MYO9A: variants seen among roughly 807,000 people sequenced by gnomAD.
The protein encoded by MYO9A is myosin IXA.
In MYO9A, 103 loss-of-function variants were observed where a neutral mutation model predicts 293.3. That is an observed-to-expected ratio of 0.35 (90% confidence interval 0.30 to 0.41). MYO9A has a LOEUF of 0.41. Among genes scored for constraint, MYO9A ranks in the 10% least tolerant of loss-of-function variants. The probability of loss-of-function intolerance (pLI) is 1.00; values close to 1 mark genes in which losing one functional copy is unlikely to be tolerated. For synonymous variants in MYO9A, 1,001 were observed against 1,035.7 expected (o/e 0.97, Z 0.64); for missense variants, 2,685 against 3,033.0 (o/e 0.89, Z 2.69).
rs1265418094 is a variant in MYO9A, at chr15:71,823,436, A to G, written c.*3144T>C. On this transcript the variant is annotated 3_prime_UTR_variant, in exon 42 of 42. Transcript: ENST00000356056. ...AGCATGAGAAGGTGGGGGCTCTAGT[A>G]TTCCATCCCAGGACCTCTGGCCCTT... 1 of 152,248 alleles carries G rather than the reference A, an allele frequency of 6.6e-6. No individual in the cohort carries two copies. The highest frequency in any genetic ancestry group is 2.4e-5 in the African/African-American group (1 of 41,452). 9.4% of individuals were successfully genotyped at this position (152,248 alleles called of 1,614,324 possible).
In MYO9A at chr15:72,041,497, G is replaced by A. The variant is rs1341301909; in HGVS notation, c.840+4227C>T. The A allele has an allele frequency of 1.2e-5, 4 of 345,508 alleles. No homozygotes were observed. In the Admixed American group the frequency reaches 1.6e-4, roughly 14 times the overall value. 21.4% of individuals were successfully genotyped at this position (345,508 alleles called of 1,614,324 possible). A position where few individuals can be genotyped will look rare whatever the true frequency, so the allele number is the denominator to read the frequency against. On this transcript the variant is annotated intron_variant, in intron 2 of 41. Transcript: ENST00000356056. The stretch of plus-strand genomic sequence containing the variant: ...ATTCCAACAAGGTGAACCTTGGCAT[G>A]ACCAAGTTTTCCAGTTTTGGAAGTT...
chr15:72,100,043 G>A (rs990098862), intron 1 of MYO9A, among the ~76,000 whole-genome samples: 2 of 151,908 alleles, frequency 1.3e-5, no homozygotes, highest in African/African-American at 4.8e-5. Flanking sequence ...GAGGTCAGGA[G>A]TTTGAGACCA....
chr15:72,028,097 T>C (rs1445694230), intron 3 of MYO9A, among the ~76,000 whole-genome samples: 1 of 151,230 alleles, frequency 6.6e-6, no homozygotes, highest in Non-Finnish European at 1.5e-5. Context: ...CTCGGGAGGC[T>C]GAGGCAGAAG....
chr15:72,020,042 G>A (rs1297998661), intron 5 of MYO9A, among the ~76,000 whole-genome samples: 1 of 152,092 alleles, frequency 6.6e-6, no homozygotes, highest in Non-Finnish European at 1.5e-5. Flanking sequence ...GTGAGCCACT[G>A]CACTCAGCCA....
chr15:71,850,786 A>G (rs1415519653), intron 37 of MYO9A, among the ~76,000 whole-genome samples: 18 of 148,302 alleles, frequency 1.2e-4, no homozygotes, highest in East Asian at 1.2e-3. Flanking sequence ...AAAAAAAAAA[A>G]AAAAAAAAAA....
At chr15:72,022,899 A>T (rs1349657591) in intron 4 of MYO9A, among the ~76,000 whole-genome samples, 1 of 152,160 alleles carries the variant, frequency 6.6e-6, no homozygotes, top group East Asian at 1.9e-4. Flanking sequence ...TAAGGCATGC[A>T]AAGAAAGAAG....
intron 15 of MYO9A, among the ~76,000 whole-genome samples, chr15:71,949,658 C>CT (rs779348640): frequency 4.5e-3 from 629 of 139,946 alleles, no homozygotes; most frequent in Middle Eastern, 0.018. Flanking sequence ...TTGATTTCCA[C>CT]TTTTTTTTTT....
chr15:72,048,786 C>T (rs1190207590), intron 1 of MYO9A, among the ~76,000 whole-genome samples: 1 of 152,176 alleles, frequency 6.6e-6, no homozygotes, highest in Non-Finnish European at 1.5e-5. Context: ...ACTGCATTGA[C>T]TTTACAGATT....
chr15:71,941,994 C>T (rs932403838), intron 15 of MYO9A, among the ~76,000 whole-genome samples: 1 of 152,032 alleles, frequency 6.6e-6, no homozygotes, highest in South Asian at 2.1e-4. Flanking sequence ...GTTTATAGCA[C>T]TGTTGTTCAC....
At chr15:71,934,198 TTTTAA>T (rs1471435846) in intron 17 of MYO9A, among the ~76,000 whole-genome samples, 5 of 152,140 alleles carry the variant, frequency 3.3e-5, no homozygotes, top group African/African-American at 9.7e-5. Context: ...AATCAAGTCT[TTTTAA>T]TTTATTTTTA....
chr15:72,064,249 G>A (rs1207374177), intron 1 of MYO9A, among the ~76,000 whole-genome samples: 3 of 151,918 alleles, frequency 2.0e-5, no homozygotes, highest in African/African-American at 4.8e-5. Context: ...AGTATTTGAC[G>A]GCACAAAAGG....
At chr15:71,893,804 T>C in intron 25 of MYO9A, 26 bp from the exon 26 acceptor site, 1 of 1,584,000 alleles carries the variant, frequency 6.3e-7, no homozygotes, top group Non-Finnish European at 8.7e-7. Flanking sequence ...TGAAATTACA[T>C]TTCAGTTCTT....
chr15:71,979,724 G>T (rs1296254357), intron 11 of MYO9A, among the ~76,000 whole-genome samples: 1 of 152,188 alleles, frequency 6.6e-6, no homozygotes, highest in Non-Finnish European at 1.5e-5. Flanking sequence ...AGCCTTAAAA[G>T]ATCTGGCCCT....
At chr15:72,048,502 C>G (rs2078459858) in intron 1 of MYO9A, among the ~76,000 whole-genome samples, 1 of 152,074 alleles carries the variant, frequency 6.6e-6, no homozygotes, top group Non-Finnish European at 1.5e-5. Flanking sequence ...AGAAAATTAA[C>G]AGTCCTATCT....
Position 72,095,019 on chromosome 15 carries a change from C to T in MYO9A, c.-72+22661G>A, listed in dbSNP as rs1485848268. 4.4e-5 allele frequency among the ~76,000 whole-genome samples: 4 copies of T among 91,708 alleles called. 2 individuals carry two copies. The highest frequency in any genetic ancestry group is 1.3e-4 in the Non-Finnish European group (4 of 30,356). 60.2% of individuals were successfully genotyped at this position (91,708 alleles called of 152,430 possible). On this transcript the variant is annotated intron_variant, in intron 1 of 41. Coordinates refer to ENST00000356056, the MANE Select transcript of MYO9A (RefSeq NM_006901.4). ...TTGGGCCTCACTATTGCCTGAAACA[C>T]ACAATATTGAAATTAGGCCAATTAA...
chr15:71,877,887 AG>A, intron 31 of MYO9A, among the ~76,000 whole-genome samples, 152 bp downstream of exon 31: 1 of 152,358 alleles, frequency 6.6e-6, no homozygotes, highest in African/African-American at 2.4e-5. Context: ...TGAAGTTTGG[AG>A]GATCTAAAGT....
chr15:71,982,099 A>G (rs1326531079), intron 11 of MYO9A, among the ~76,000 whole-genome samples: 1 of 132,700 alleles, frequency 7.5e-6, no homozygotes, highest in East Asian at 2.3e-4. Context: ...AGCTCACTGC[A>G]AGCTCCGCCT....
Position 72,046,437 on chromosome 15 carries a change from C to A in MYO9A, c.127G>T (p.Ala43Ser), listed in dbSNP as rs747152180. ...PIPARKNSTAAEVIESLINKL... is the reference protein window; with the variant it reads ...PIPARKNSTASEVIESLINKL... Reference sequence around the variant, plus strand: ...TTTATAAGAGACTCAATCACCTCAGCAGCTGTGGAGTTTTTTCTGGCAGGA... The same window carrying A: ...TTTATAAGAGACTCAATCACCTCAGAAGCTGTGGAGTTTTTTCTGGCAGGA... The change falls in exon 2 of 42, where the codon GCT becomes TCT. Residue 43 changes from alanine to serine, a missense_variant. This residue lies in a region of MYO9A where 67 missense variants were observed against 63.2 expected (regional missense o/e 1.06). Transcript: ENST00000356056. The A allele has an allele frequency of 6.2e-7, 1 of 1,614,178 alleles. No individual in the cohort carries two copies. The highest frequency in any genetic ancestry group is 1.1e-5 in the South Asian group (1 of 91,078).
At chr15:72,040,754 G>A (rs778950152) in intron 2 of MYO9A, among the ~76,000 whole-genome samples, 17 of 151,698 alleles carry the variant, frequency 1.1e-4, no homozygotes, top group Non-Finnish European at 2.4e-4. Flanking sequence ...ATATAATTAT[G>A]GCTTACCAGC....
Sources: gnomAD v4.1 joint callset for allele counts (sites outside exome capture counted in the v4.1 genomes callset) on GRCh38, gnomAD v4.1.1 for gene constraint, gnomAD v4.1.1 regional missense constraint, MANE v1.5 for transcripts, NCBI Gene and HGNC (gene_info 2026-07-23, HGNC 2026-07-21) for gene names.